Variants in IPO11 observed in about 807,000 individuals in gnomAD.
IPO11 encodes the protein importin-11.
Under a neutral mutation model 143.2 loss-of-function variants are expected in IPO11, and 66 were observed. That is an observed-to-expected ratio of 0.46 (90% confidence interval 0.38 to 0.57). The LOEUF (loss-of-function observed/expected upper bound fraction) is 0.57, where lower values mean the gene tolerates loss of function less well. Among genes scored for constraint, IPO11 ranks in the 20% least tolerant of loss-of-function variants. The probability of loss-of-function intolerance (pLI) is 0.00; values close to 1 mark genes in which losing one functional copy is unlikely to be tolerated. For missense variants in IPO11, 1,026 were observed against 1,141.0 expected (o/e 0.90, Z 1.45); for synonymous variants, 385 against 377.8 (o/e 1.02, Z -0.22).
At chr5:62,503,241 A>T (rs747652783) in intron 16 of IPO11, among the ~76,000 whole-genome samples, 6 of 151,898 alleles carry the variant, frequency 4.0e-5, no homozygotes, top group Non-Finnish European at 5.9e-5. Flanking sequence ...GTTTATGTGT[A>T]GTCCATGTCC....
intron 1 of IPO11, among the ~76,000 whole-genome samples, chr5:62,428,549 G>C (rs1016304166): frequency 6.6e-6 from 1 of 151,714 alleles, no homozygotes; most frequent in African/African-American, 2.4e-5. Context: ...TCACCATGTT[G>C]GTCAGGCTGG....
chr5:62,563,184 T>G lies in IPO11; in HGVS notation c.2582+1927T>G, dbSNP rs568889313. Among the ~76,000 whole-genome samples, 212 of 152,364 alleles carry G rather than the reference T, an allele frequency of 1.4e-3. 1 individual carries two copies. The highest frequency in any genetic ancestry group is 4.3e-3 in the African/African-American group (178 of 41,596). Reference sequence around the variant, plus strand: ...TACCTACATTTTAACTCATTGGTGTTTCTTTCTCTCATTGGGAAAAAAGTG... The same window carrying G: ...TACCTACATTTTAACTCATTGGTGTGTCTTTCTCTCATTGGGAAAAAAGTG... On this transcript the variant is annotated intron_variant, in intron 27 of 29. Transcript: ENST00000325324.
rs1482046247 is a variant in IPO11, at chr5:62,520,067, A to G, written c.1896+4566A>G. 6.6e-5 allele frequency among the ~76,000 whole-genome samples: 10 copies of G among 152,350 alleles called. No individual in the cohort carries two copies. In the South Asian group the frequency reaches 1.0e-3, roughly 16 times the overall value. On this transcript the variant is annotated intron_variant, in intron 20 of 29. Coordinates refer to ENST00000325324, the MANE Select transcript of IPO11 (RefSeq NM_016338.5). ...CTCCCCTTATGCCACTAGCTAGAAAATACTCTCTTTTAAAGGGCTCTTGTG... is the reference window on the plus strand; with the variant it reads ...CTCCCCTTATGCCACTAGCTAGAAAGTACTCTCTTTTAAAGGGCTCTTGTG...
intron 27 of IPO11, among the ~76,000 whole-genome samples, chr5:62,568,758 A>G (rs1408138512): frequency 6.6e-6 from 1 of 152,120 alleles, no homozygotes; most frequent in Non-Finnish European, 1.5e-5. Context: ...TTAGTGTGAT[A>G]AATATGAAAT....
At chr5:62,479,243 A>G (rs1395637866) in intron 9 of IPO11, among the ~76,000 whole-genome samples, 1 of 152,136 alleles carries the variant, frequency 6.6e-6, no homozygotes, top group East Asian at 1.9e-4. Context: ...AGCTTCATCC[A>G]TGTCCCTACA....
chr5:62,415,464 CTTTTT>C (rs67290766), intron 1 of IPO11, among the ~76,000 whole-genome samples: 1 of 101,280 alleles, frequency 9.9e-6, no homozygotes, highest in Non-Finnish European at 1.9e-5. Context: ...CCCGTCTTTA[CTTTTT>C]TTTTTTTTTT....
At chr5:62,497,993 A>C (rs1245779711) in intron 16 of IPO11, among the ~76,000 whole-genome samples, 1 of 151,026 alleles carries the variant, frequency 6.6e-6, no homozygotes, top group African/African-American at 2.4e-5. Context: ...TCACTGGCCT[A>C]CTTGTGTATC....
intron 1 of IPO11, among the ~76,000 whole-genome samples, chr5:62,435,454 T>C (rs539195976): frequency 6.6e-6 from 1 of 150,832 alleles, no homozygotes; most frequent in South Asian, 2.1e-4. Flanking sequence ...AAAAATTAGC[T>C]GGGCCCGGTG....
intron 5 of IPO11, among the ~76,000 whole-genome samples, chr5:62,456,698 A>T (rs1269172542): frequency 6.6e-6 from 1 of 152,226 alleles, no homozygotes; most frequent in African/African-American, 2.4e-5. Flanking sequence ...CTGACTGTGT[A>T]CAAGAGATAT....
chr5:62,443,792 A>G (rs1744601799), intron 3 of IPO11, among the ~76,000 whole-genome samples: 3 of 152,192 alleles, frequency 2.0e-5, no homozygotes, highest in Admixed American at 2.0e-4. Flanking sequence ...GTACGTGGTT[A>G]ACAGATTTAG....
At chr5:62,584,311 G>A (rs1480496975) in intron 27 of IPO11, among the ~76,000 whole-genome samples, 2 of 151,994 alleles carry the variant, frequency 1.3e-5, no homozygotes, top group Admixed American at 6.6e-5. Context: ...CAGGAGATAG[G>A]AGAGGCTGGG....
In IPO11 at chr5:62,490,126, G is replaced by A; in HGVS notation, c.1369G>A (p.Val457Ile). The A allele has an allele frequency of 6.3e-7, 1 of 1,591,780 alleles. No homozygotes were observed. Among genetic ancestry groups the A allele is most frequent in the Non-Finnish European group, 8.5e-7 (1 of 1,171,466 alleles). The part of the protein sequence containing the change: ...LLIKDAVYNA[V>I]GLAAYELFDS... ...AATTTTCTTCTCAGTGTATAATGCT[G>A]TTGGATTAGCTGCTTATGAGCTCTT... The change falls in exon 15 of 30, where the codon GTT becomes ATT. Residue 457 changes from valine to isoleucine, a missense_variant. Coordinates refer to ENST00000325324, the MANE Select transcript of IPO11 (RefSeq NM_016338.5).
intron 12 of IPO11, among the ~76,000 whole-genome samples, chr5:62,486,061 A>G (rs936725746): frequency 6.6e-6 from 1 of 150,414 alleles, no homozygotes; most frequent in African/African-American, 2.4e-5. Flanking sequence ...GCTCACTGCA[A>G]GCTCCGCCCC....
chr5:62,522,713 T>C (rs1742243908), intron 20 of IPO11, among the ~76,000 whole-genome samples: 1 of 152,228 alleles, frequency 6.6e-6, no homozygotes, highest in Non-Finnish European at 1.5e-5. Context: ...GCTGATGTAA[T>C]CTTCCTGTTT....
At chr5:62,471,439 A>G (rs976035348) in intron 7 of IPO11, among the ~76,000 whole-genome samples, 1 of 152,168 alleles carries the variant, frequency 6.6e-6, no homozygotes, top group Admixed American at 6.5e-5. Context: ...ATTTCATTTT[A>G]TGAAAATTGA....
intron 2 of IPO11, among the ~76,000 whole-genome samples, chr5:62,439,669 A>C (rs565730612): frequency 6.7e-6 from 1 of 148,184 alleles, no homozygotes. Context: ...TGATCCTCCC[A>C]CCTTGGCCTC....
intron 12 of IPO11, among the ~76,000 whole-genome samples, chr5:62,487,239 C>T (rs894785490): frequency 6.6e-6 from 1 of 152,012 alleles, no homozygotes; most frequent in African/African-American, 2.4e-5. Context: ...AATTGGAGTT[C>T]CTGTTTTTGC....
At chr5:62,613,233 A>G (rs1204772300) in intron 29 of IPO11, among the ~76,000 whole-genome samples, 1 of 149,982 alleles carries the variant, frequency 6.7e-6, no homozygotes, top group African/African-American at 2.4e-5. Context: ...TTTAAATAAG[A>G]GTCCCATGGT....
At chr5:62,621,196 A>T (rs1252565741) in intron 29 of IPO11, among the ~76,000 whole-genome samples, 2 of 152,212 alleles carry the variant, frequency 1.3e-5, no homozygotes, top group Non-Finnish European at 2.9e-5. Context: ...AGTTTTAAGT[A>T]TTGGCAAAGA....
Sources: gnomAD v4.1 joint callset for allele counts (sites outside exome capture counted in the v4.1 genomes callset) on GRCh38, gnomAD v4.1.1 for gene constraint, MANE v1.5 for transcripts, NCBI Gene and HGNC (gene_info 2026-07-23, HGNC 2026-07-21) for gene names.